NCAPH: variants seen among roughly 807,000 people sequenced by gnomAD.
The protein encoded by NCAPH is non-SMC condensin I complex subunit H.
Under a neutral mutation model 85.5 loss-of-function variants are expected in NCAPH, and 38 were observed. The observed-to-expected ratio is 0.44, with a 90% CI of 0.34 to 0.58. The LOEUF (loss-of-function observed/expected upper bound fraction) is 0.58. NCAPH is among the 20% of genes least tolerant of loss of function. The probability of loss-of-function intolerance (pLI) is 0.01; values close to 1 mark genes in which losing one functional copy is unlikely to be tolerated. For missense variants in NCAPH, 789 were observed against 916.6 expected (o/e 0.86, Z 1.80); for synonymous variants, 301 against 335.1 (o/e 0.90, Z 1.11).
intron 6 of NCAPH, among the ~76,000 whole-genome samples, chr2:96,346,178 A>G (rs1384685397): frequency 6.6e-6 from 1 of 152,076 alleles, no homozygotes; most frequent in African/African-American, 2.4e-5. Flanking sequence ...GGGTGCACTC[A>G]TGGGGGAGCC....
Position 96,335,967 on chromosome 2 carries a change from G to C in NCAPH, c.19+119G>C, listed in dbSNP as rs948141170. On this transcript the variant is annotated intron_variant, in intron 1 of 17. Transcript: ENST00000240423. ...AGAGGATATGCTCAGCTCGGGTCTT[G>C]GCCCTGCGGCTGACAGCAGAGGCCG... is the stretch of plus-strand genomic sequence containing the variant. 2.3e-5 allele frequency: 26 copies of C among 1,145,276 alleles called. 1 individual carries two copies. Among genetic ancestry groups the C allele is most frequent in the African/African-American group, 6.5e-5 (4 of 61,194 alleles). 70.9% of individuals were successfully genotyped at this position (1,145,276 alleles called of 1,614,324 possible).
intron 6 of NCAPH, among the ~76,000 whole-genome samples, chr2:96,350,141 G>C (rs542456412): frequency 5.3e-5 from 8 of 152,340 alleles, no homozygotes; most frequent in African/African-American, 1.9e-4. Context: ...CTATTGTAAG[G>C]CCTTTTATTG....
intron 11 of NCAPH, 71 bp from the exon 12 acceptor site, chr2:96,360,517 G>A (rs1388864915): frequency 6.4e-7 from 1 of 1,566,712 alleles, no homozygotes; most frequent in Non-Finnish European, 8.8e-7. Flanking sequence ...TTCCCAGACT[G>A]CTTTAAAAAA....
chr2:96,335,960 G>A (rs1573056334), intron 1 of NCAPH, 112 bp downstream of exon 1: 2 of 1,205,218 alleles, frequency 1.7e-6, no homozygotes, highest in Admixed American at 4.2e-5. Flanking sequence ...TGCTCAGCTC[G>A]GGTCTTGGCC....
rs1171264513 is a variant in NCAPH at position 96,374,781 on chromosome 2, C to T, written c.*1430C>T. ...CTGAAGCCTCCATCACTTTCCCAGG[C>T]CAGGTTAGTGCTGGGCTTCTTGCTT... On this transcript the variant is annotated 3_prime_UTR_variant, in exon 18 of 18. Coordinates refer to ENST00000240423, the MANE Select transcript of NCAPH (RefSeq NM_015341.5). Among the ~76,000 whole-genome samples the T allele has an allele frequency of 1.3e-5, 2 of 152,186 alleles. No individual in the cohort carries two copies. Among genetic ancestry groups the T allele is most frequent in the Non-Finnish European group, 2.9e-5 (2 of 68,030 alleles).
intron 7 of NCAPH, among the ~76,000 whole-genome samples, chr2:96,352,862 T>G (rs941741633): frequency 6.6e-6 from 1 of 152,224 alleles, no homozygotes; most frequent in Non-Finnish European, 1.5e-5. Flanking sequence ...GTGCTCTCAT[T>G]TGGGGCTCTA....
At chr2:96,336,113 G>C (rs1414403575) in intron 1 of NCAPH, among the ~76,000 whole-genome samples, 1 of 151,950 alleles carries the variant, frequency 6.6e-6, no homozygotes, top group Non-Finnish European at 1.5e-5. Context: ...CTCAGTTCCC[G>C]GGCGGGCGGT....
At chr2:96,371,817 C>T (rs950906631) in intron 17 of NCAPH, among the ~76,000 whole-genome samples, 1 of 152,238 alleles carries the variant, frequency 6.6e-6, no homozygotes, top group Non-Finnish European at 1.5e-5. Context: ...CAACGCTTCA[C>T]AGCAGAACTT....
At chr2:96,338,322 T>G (rs1558786925) in intron 1 of NCAPH, among the ~76,000 whole-genome samples, 1 of 151,712 alleles carries the variant, frequency 6.6e-6, no homozygotes, top group Non-Finnish European at 1.5e-5. Flanking sequence ...CCTGCATCTG[T>G]GCCAGTGCCT....
chr2:96,356,746 T>C (rs2064530199), intron 9 of NCAPH, among the ~76,000 whole-genome samples: 1 of 152,172 alleles, frequency 6.6e-6, no homozygotes, highest in Non-Finnish European at 1.5e-5. Context: ...GATTGTGTTC[T>C]GCACCCAGGG....
chr2:96,339,453 G>A (rs777120864), intron 1 of NCAPH, among the ~76,000 whole-genome samples: 5 of 151,978 alleles, frequency 3.3e-5, no homozygotes, highest in Non-Finnish European at 5.9e-5. Flanking sequence ...GTAGCTGGGC[G>A]TGGTGGCGGG....
chr2:96,338,967 C>T (rs1377942368), intron 1 of NCAPH, among the ~76,000 whole-genome samples: 1 of 152,130 alleles, frequency 6.6e-6, no homozygotes, highest in African/African-American at 2.4e-5. Context: ...CCCGCCACTG[C>T]GCCCGGCTCA....
intron 1 of NCAPH, among the ~76,000 whole-genome samples, chr2:96,337,493 C>T (rs1431968652): frequency 6.6e-6 from 1 of 152,014 alleles, no homozygotes; most frequent in Non-Finnish European, 1.5e-5. Context: ...AATCTCGGCC[C>T]ACTGCAAGCT....
At chr2:96,367,455 T>C (rs2064716193) in intron 15 of NCAPH, 82 bp downstream of exon 15, 3 of 958,726 alleles carry the variant, frequency 3.1e-6, no homozygotes, top group South Asian at 1.4e-5. Context: ...ACACCTCGAT[T>C]TGGGCAATGC....
rs149265575 is a variant in NCAPH, at chr2:96,366,913, G to A, written c.1882-344G>A. Reference sequence around the variant, plus strand: ...AAAAAAAAAAAAAGAGTTTGAGACCGCGTGGCCAAAATGGTGAAATACCAT... The same window carrying A: ...AAAAAAAAAAAAAGAGTTTGAGACCACGTGGCCAAAATGGTGAAATACCAT... On this transcript the variant is annotated intron_variant, in intron 14 of 17. Transcript: ENST00000240423. Among the ~76,000 whole-genome samples the A allele has an allele frequency of 2.6e-3, 375 of 144,894 alleles. 1 individual carries two copies. The highest frequency in any genetic ancestry group is 8.8e-3 in the African/African-American group (349 of 39,474).
intron 9 of NCAPH, 22 bp from the exon 10 acceptor site, chr2:96,359,023 T>C (rs766039683): frequency 3.1e-6 from 5 of 1,612,146 alleles, no homozygotes; most frequent in South Asian, 1.1e-5. Flanking sequence ...GTATTGTACA[T>C]GTACAAATAT....
At chr2:96,360,381 A>G (rs1398545995) in intron 11 of NCAPH, 132 bp downstream of exon 11, 1 of 800,994 alleles carries the variant, frequency 1.2e-6, no homozygotes, top group Non-Finnish European at 2.0e-6. Context: ...TAAACGCACT[A>G]TTAAGAAATA....
intron 17 of NCAPH, among the ~76,000 whole-genome samples, chr2:96,371,175 C>T (rs758734704): frequency 1.1e-4 from 17 of 152,208 alleles, no homozygotes; most frequent in Non-Finnish European, 2.4e-4. Context: ...GGCCATCCAT[C>T]TCTCTGACTT....
intron 16 of NCAPH, 80 bp downstream of exon 16, chr2:96,369,143 C>T: frequency 7.5e-7 from 1 of 1,339,744 alleles, no homozygotes; most frequent in Non-Finnish European, 1.0e-6. Flanking sequence ...CACACACAAC[C>T]TGTTTCCTAT....
Sources: gnomAD v4.1 joint callset for allele counts (sites outside exome capture counted in the v4.1 genomes callset) on GRCh38, gnomAD v4.1.1 for gene constraint, MANE v1.5 for transcripts, NCBI Gene and HGNC (gene_info 2026-07-23, HGNC 2026-07-21) for gene names.